The following ADAMTS5 variants were observed in gnomAD, a reference collection of about 807,000 sequenced individuals.
The protein encoded by ADAMTS5 is ADAM metallopeptidase with thrombospondin type 1 motif 5, also known as A disintegrin and metalloproteinase with thrombospondin motifs 5.
ADAMTS5 carries 54 observed loss-of-function variants against 81.4 expected under a neutral mutation model. That is an observed-to-expected ratio of 0.66 (90% CI 0.53 to 0.83). The LOEUF is 0.83. Among genes scored for constraint, ADAMTS5 ranks in the 40% least tolerant of loss-of-function variants. The pLI is 0.00. For synonymous variants in ADAMTS5, 532 were observed against 508.8 expected, an observed-to-expected ratio of 1.05 and a Z score of -0.61; for missense variants, 1,194 against 1,229.9, an observed-to-expected ratio of 0.97 and a Z score of 0.44.
At chr21:26,946,979 G>A (rs930619626) in intron 2 of ADAMTS5, among the ~76,000 whole-genome samples, 4 of 152,198 alleles carry the variant, frequency 2.6e-5, no homozygotes, top group East Asian at 3.8e-4. Flanking sequence ...CACTAAAATA[G>A]GACGTGAAAC....
At chr21:26,951,602 C>T (rs923684741) in intron 2 of ADAMTS5, among the ~76,000 whole-genome samples, 5 of 132,672 alleles carry the variant, frequency 3.8e-5, no homozygotes, top group Non-Finnish European at 6.1e-5. Flanking sequence ...TCTCTTGAAC[C>T]TGGGAGGCAG....
rs1429677844 is a variant in ADAMTS5, at chr21:26,943,517, G to A, written c.1268C>T (p.Ser423Phe). ...ACCAAAGGTCTCTTCACAGAATTTGGAATCGTCATGGGAGAGGCCAAGTAA... is the reference window on the plus strand; with the variant it reads ...ACCAAAGGTCTCTTCACAGAATTTGAAATCGTCATGGGAGAGGCCAAGTAA... The part of the protein sequence containing the change: ...GHLLGLSHDD[S>F]KFCEETFGST... The change falls in exon 3 of 8, where the codon TCC becomes TTC. Residue 423 changes from serine (S) to phenylalanine (F), a missense_variant. Around this residue, in one of 2 missense-constraint regions of ADAMTS5, gnomAD observed 696 missense variants for 817.6 expected, o/e 0.85. Coordinates refer to ENST00000284987, the MANE Select transcript of ADAMTS5 (RefSeq NM_007038.5). The A allele has an allele frequency of 6.2e-7, 1 of 1,613,536 alleles. No individual in the cohort carries two copies. Among genetic ancestry groups the A allele is most frequent in the Middle Eastern group, 1.6e-4 (1 of 6,080 alleles).
At chr21:26,940,294 T>C (rs1228892101) in intron 3 of ADAMTS5, among the ~76,000 whole-genome samples, 1 of 152,210 alleles carries the variant, frequency 6.6e-6, no homozygotes, top group Admixed American at 6.5e-5. Context: ...ATTACCTGCT[T>C]AAAAATAGCA....
intron 1 of ADAMTS5, among the ~76,000 whole-genome samples, chr21:26,957,533 C>G (rs1279926290): frequency 6.6e-6 from 1 of 152,030 alleles, no homozygotes; most frequent in Non-Finnish European, 1.5e-5. Flanking sequence ...ACATACAATA[C>G]CATGTAAGAG....
intron 3 of ADAMTS5, among the ~76,000 whole-genome samples, chr21:26,942,737 G>A (rs964506756): frequency 6.6e-6 from 1 of 152,124 alleles, no homozygotes; most frequent in African/African-American, 2.4e-5. Flanking sequence ...AATAAAGTAT[G>A]TTGTGCTCTT....
intron 3 of ADAMTS5, among the ~76,000 whole-genome samples, chr21:26,935,128 A>T (rs916403318): frequency 7.9e-5 from 12 of 152,176 alleles, no homozygotes; most frequent in African/African-American, 2.9e-4. Flanking sequence ...AATAATAATG[A>T]TAATGAAGCA....
In ADAMTS5 at chr21:26,934,126, T is replaced by C. The variant is rs1393827845; in HGVS notation, c.1689+340A>G. 3.3e-5 allele frequency among the ~76,000 whole-genome samples: 5 copies of C among 152,204 alleles called. No homozygotes were observed. The East Asian group carries it at 9.6e-4, about 29-fold the overall frequency. On this transcript the variant is annotated intron_variant, in intron 4 of 7. Coordinates refer to ENST00000284987, the MANE Select transcript of ADAMTS5 (RefSeq NM_007038.5). The stretch of plus-strand genomic sequence containing the variant: ...CCTCCTTACTGAATTTAAATACTTA[T>C]ATTCTGATAACTTTAGCAAGAGAAG...
chr21:26,935,569 G>A (rs886600336), intron 3 of ADAMTS5, among the ~76,000 whole-genome samples: 8 of 152,194 alleles, frequency 5.3e-5, no homozygotes, highest in African/African-American at 1.9e-4. Context: ...AATGGAATTG[G>A]TGTTTGTTGA....
Position 26,923,894 on chromosome 21 carries a change from C to T in ADAMTS5, c.*159G>A. 1 of 728,660 alleles carries T rather than the reference C, an allele frequency of 1.4e-6. No individual in the cohort carries two copies. The highest frequency in any genetic ancestry group is 2.7e-5 in the East Asian group (1 of 36,528). The allele number at this position is 728,660 out of a possible 1,614,324, so 45.1% of individuals were successfully genotyped here. A position where few individuals can be genotyped will look rare whatever the true frequency, so the allele number is the denominator to read the frequency against. On this transcript the variant is annotated 3_prime_UTR_variant, in exon 8 of 8. Transcript: ENST00000284987. ...TGTCACGTGAAGCAGTGCACATCCT[C>T]TTTTGGTCACAGAGAGCAGATTCTG...
At position 26,934,652 on chromosome 21, in the gene ADAMTS5, G is replaced by T. The variant is rs770985728; in HGVS notation, c.1503C>A (p.Phe501Leu). The stretch of plus-strand genomic sequence containing the variant: ...CGGGACACACGGAGTACTCAGGCCC[G>T]AATGTCAGGTTGCACTGCTGGGTGG... ...YDATQQCNLT[F>L]GPEYSVCPGM... The change falls in exon 4 of 8, where the codon TTC (phenylalanine) becomes TTA (leucine). Residue 501 changes from phenylalanine to leucine, a missense_variant. This residue lies in a region of ADAMTS5 where 696 missense variants were observed against 817.6 expected (regional missense o/e 0.85). Transcript: ENST00000284987. 1 of 1,614,192 alleles carries T rather than the reference G, an allele frequency of 6.2e-7. No homozygotes were observed. Among genetic ancestry groups the T allele is most frequent in the Non-Finnish European group, 8.5e-7 (1 of 1,180,036 alleles).
rs1987616940 is a variant in ADAMTS5, at chr21:26,965,315, G to A, written c.1077C>T (p.Tyr359=). Reference sequence around the variant, plus strand: ...CCCGAGTAAACAGGATAGCTGCATCGTAGTGCTCCTCATGGTCATCTCCCA... The same window carrying A: ...CCCGAGTAAACAGGATAGCTGCATCATAGTGCTCCTCATGGTCATCTCCCA... The part of the protein sequence containing the change: ...NQLGDDHEEH[Y]DAAILFTRED... The change falls in exon 1 of 8, where the codon TAC becomes TAT. Residue 359 remains tyrosine (Y), a synonymous_variant. Coordinates refer to ENST00000284987, the MANE Select transcript of ADAMTS5 (RefSeq NM_007038.5). The A allele has an allele frequency of 4.3e-6, 7 of 1,613,946 alleles. No individual in the cohort carries two copies. The highest frequency in any genetic ancestry group is 5.9e-6 in the Non-Finnish European group (7 of 1,179,964).
chr21:26,954,858 T>A lies in ADAMTS5; in HGVS notation c.1118A>T (p.His373Leu), dbSNP rs1568850763. The A allele has an allele frequency of 6.2e-7, 1 of 1,614,036 alleles. No homozygotes were observed. Among genetic ancestry groups the A allele is most frequent in the African/African-American group, 1.3e-5 (1 of 75,042 alleles). The stretch of plus-strand genomic sequence containing the variant: ...CATTCCCAGGGTGTCACATGAATGA[T>A]GCCCACATAAATCCTGCCCAGGAGA... ...ILFTREDLCG[H>L]HSCDTLGMAD... The change falls in exon 2 of 8, where the codon CAT (histidine) becomes CTT (leucine). Residue 373 changes from histidine to leucine, a missense_variant. His to Leu is a moderately conservative substitution (Grantham distance 99). Transcript: ENST00000284987.
At chr21:26,965,163 A>C in intron 1 of ADAMTS5, 125 bp downstream of exon 1, 1 of 1,383,086 alleles carries the variant, frequency 7.2e-7, no homozygotes, top group Non-Finnish European at 9.8e-7. Flanking sequence ...GATTTCCTGC[A>C]AGAAGCAGTT....
intron 1 of ADAMTS5, among the ~76,000 whole-genome samples, chr21:26,963,416 C>A (rs914194676): frequency 6.6e-6 from 1 of 151,422 alleles, no homozygotes; most frequent in Non-Finnish European, 1.5e-5. Flanking sequence ...AAGTAACAGA[C>A]CTTCTATTAA....
intron 2 of ADAMTS5, among the ~76,000 whole-genome samples, chr21:26,945,164 AC>A (rs1473158222): frequency 1.9e-4 from 28 of 148,092 alleles, no homozygotes; most frequent in Non-Finnish European, 1.0e-4. Context: ...AAAAAAAAAA[AC>A]AATCTTTCAT....
chr21:26,958,096 C>A (rs889862525), intron 1 of ADAMTS5, among the ~76,000 whole-genome samples: 1 of 152,086 alleles, frequency 6.6e-6, no homozygotes, highest in African/African-American at 2.4e-5. Context: ...CAGTCAGACC[C>A]AAATGTCCTA....
intron 7 of ADAMTS5, among the ~76,000 whole-genome samples, chr21:26,927,671 T>C (rs229089): frequency 0.26 from 39,143 of 152,014 alleles, 5,854 homozygotes; most frequent in Non-Finnish European, 0.33. Context: ...ATGGAAGCCA[T>C]TGGAGGCTAC....
chr21:26,924,162 C>G lies in ADAMTS5; in HGVS notation c.2684G>C (p.Trp895Ser), dbSNP rs1568836775. Residue 895 changes from tryptophan to serine, a missense_variant, in exon 8 of 8, where the codon TGG becomes TCG. By Grantham distance (177) the Trp-to-Ser change is radical. Transcript: ENST00000284987. ...CTGGCACTGCACCGTTCTGGTGTGCCAACCTGTGTCACAGGTCCTAGAGCA... is the reference window on the plus strand; with the variant it reads ...CTGGCACTGCACCGTTCTGGTGTGCGAACCTGTGTCACAGGTCCTAGAGCA... The part of the protein sequence containing the change: ...LACSRTCDTG[W>S]HTRTVQCQDG... 1 of 1,614,178 alleles carries G rather than the reference C, an allele frequency of 6.2e-7. No individual in the cohort carries two copies. Among genetic ancestry groups the G allele is most frequent in the South Asian group, 1.1e-5 (1 of 91,082 alleles).
chr21:26,928,732 CTCTT>C lies in ADAMTS5; in HGVS notation c.2225+1150_2225+1153del, dbSNP rs201406468. Among the ~76,000 whole-genome samples the C allele has an allele frequency of 7.0e-3, 1,021 of 146,020 alleles. 6 individuals are homozygous for C. The highest frequency in any genetic ancestry group is 0.024 in the African/African-American group (949 of 39,446). On this transcript the variant is annotated intron_variant, in intron 7 of 7. Coordinates refer to ENST00000284987, the MANE Select transcript of ADAMTS5 (RefSeq NM_007038.5). ...CTTTCTTTCTCTCTTTCTTCTATCT[CTCTT>C]TCTTCTTTTTTTTTTCAAAGTGACC...
Sources: allele counts gnomAD v4.1 joint callset (sites outside exome capture counted in the v4.1 genomes callset), GRCh38; gene constraint gnomAD v4.1.1; regional missense constraint gnomAD v4.1.1; transcripts MANE v1.5; gene names NCBI Gene and HGNC (gene_info 2026-07-23, HGNC 2026-07-21).